The following NRG1 variants were observed in gnomAD, a reference collection of about 807,000 sequenced individuals.
NRG1 encodes the protein pro-neuregulin-1, membrane-bound isoform.
A neutral mutation model predicts 63.8 loss-of-function variants in NRG1; 18 were observed. That is an observed-to-expected ratio of 0.28 (90% CI 0.19 to 0.42). NRG1 has a LOEUF of 0.42. NRG1 is among the 10% of genes least tolerant of loss of function. The pLI is 1.00. For missense variants in NRG1, 762 were observed against 814.7 expected (o/e 0.94, Z 0.79); for synonymous variants, 302 against 301.3 (o/e 1.00, Z -0.02).
Position 31,939,017 on chromosome 8 carries a change from C to T in NRG1, c.37+299586C>T, listed in dbSNP as rs114822951. On this transcript the variant is annotated intron_variant, in intron 1 of 10. Coordinates refer to the NRG1 transcript ENST00000519301. Reference sequence around the variant, plus strand: ...AGGGAATAATTGAGGAAGATATCCCCGGCCTTGCTAAAGATCTAGACATTC... The same window carrying T: ...AGGGAATAATTGAGGAAGATATCCCTGGCCTTGCTAAAGATCTAGACATTC... 6.1e-3 allele frequency among the ~76,000 whole-genome samples: 922 copies of T among 152,204 alleles called. 4 individuals are homozygous for T. The highest frequency in any genetic ancestry group is 0.01 in the Middle Eastern group (3 of 294).
intron 5 of NRG1, among the ~76,000 whole-genome samples, chr8:32,644,625 T>G (rs371370200): frequency 6.6e-6 from 1 of 152,166 alleles, no homozygotes; most frequent in Non-Finnish European, 1.5e-5. Context: ...GAATGACTTT[T>G]GGGGGAAAAA....
chr8:31,848,614 T>G (rs1826913425), intron 1 of NRG1, among the ~76,000 whole-genome samples: 1 of 152,178 alleles, frequency 6.6e-6, no homozygotes, highest in African/African-American at 2.4e-5. Flanking sequence ...CCACTCTCCA[T>G]TACTTGCATC....
chr8:31,640,245 G>A lies in NRG1; in HGVS notation c.37+814G>A, dbSNP rs1803607494. On this transcript the variant is annotated intron_variant, in intron 1 of 10. Coordinates refer to the NRG1 transcript ENST00000519301. This position sits in a 1 kb window ranked among gnomAD's most constrained non-coding sequence, Gnocchi z 6.3. ...CCGCGGTGGTGATCGAGGGAAAGGT[G>A]CACCCGCAGCGGCGGCAGCAGGGGG... The A allele has an allele frequency of 2.6e-6, 3 of 1,148,982 alleles. No homozygotes were observed. The highest frequency in any genetic ancestry group is 4.0e-5 in the East Asian group (1 of 24,888). The allele number at this position is 1,148,982 out of a possible 1,614,324, so 71.2% of individuals were successfully genotyped here. A position where few individuals can be genotyped will look rare whatever the true frequency, so the allele number is the denominator to read the frequency against.
intron 5 of NRG1, among the ~76,000 whole-genome samples, chr8:32,664,477 G>A (rs370277796): frequency 2.0e-5 from 3 of 152,144 alleles, no homozygotes; most frequent in South Asian, 2.1e-4. Flanking sequence ...ATGGTGAGTC[G>A]GCCAGTTGAG....
intron 1 of NRG1, among the ~76,000 whole-genome samples, chr8:31,963,474 A>G (rs1001509802): frequency 9.2e-5 from 14 of 152,344 alleles, no homozygotes; most frequent in East Asian, 1.9e-4. Context: ...GGTATAAGGC[A>G]CTGATATGTT....
chr8:32,312,807 T>G (rs796460840), intron 1 of NRG1, among the ~76,000 whole-genome samples: 1 of 140,500 alleles, frequency 7.1e-6, no homozygotes, highest in Non-Finnish European at 1.6e-5. Context: ...CCTTCCTTCC[T>G]TCCATCCTTC....
chr8:32,713,867 C>T (rs1328837255), intron 5 of NRG1, among the ~76,000 whole-genome samples: 1 of 151,162 alleles, frequency 6.6e-6, no homozygotes, highest in Non-Finnish European at 1.5e-5. Flanking sequence ...CTCTGTCACC[C>T]TGGCTGGAGT....
intron 1 of NRG1, among the ~76,000 whole-genome samples, chr8:31,794,023 A>G (rs1820962104): frequency 6.6e-6 from 1 of 151,430 alleles, no homozygotes; most frequent in Non-Finnish European, 1.5e-5. Flanking sequence ...AGCTGTTTTT[A>G]TACTTCTCTG....
At chr8:32,575,924 C>A (rs951270073) in intron 1 of NRG1, among the ~76,000 whole-genome samples, 1 of 152,108 alleles carries the variant, frequency 6.6e-6, no homozygotes, top group African/African-American at 2.4e-5. Context: ...TTCAAGCAAC[C>A]TTCATAGGAA....
At chr8:32,338,719 A>G (rs992522290) in intron 1 of NRG1, among the ~76,000 whole-genome samples, 2 of 152,218 alleles carry the variant, frequency 1.3e-5, no homozygotes, top group African/African-American at 4.8e-5. Flanking sequence ...CATGTTAGAA[A>G]TATATAGTTG....
At chr8:32,160,281 T>G (rs2131907121) in intron 1 of NRG1, among the ~76,000 whole-genome samples, 1 of 152,334 alleles carries the variant, frequency 6.6e-6, no homozygotes, top group Non-Finnish European at 1.5e-5. Flanking sequence ...GTTGAATGAT[T>G]GAGAATATTT....
chr8:31,972,142 TATA>T (rs1807393692), intron 1 of NRG1, among the ~76,000 whole-genome samples: 1 of 152,142 alleles, frequency 6.6e-6, no homozygotes, highest in African/African-American at 2.4e-5. Context: ...CCAAAATTTA[TATA>T]ATAATCTATC....
At chr8:32,690,938 A>AGTGT (rs113081002) in intron 5 of NRG1, among the ~76,000 whole-genome samples, 17,750 of 131,010 alleles carry the variant, frequency 0.14, 1,332 homozygotes, top group Middle Eastern at 0.26. Flanking sequence ...TTTCCCTCTC[A>AGTGT]GTGTGTGTGT....
At chr8:32,086,507 G>A (rs369871548) in intron 1 of NRG1, among the ~76,000 whole-genome samples, 4 of 152,302 alleles carry the variant, frequency 2.6e-5, no homozygotes, top group South Asian at 4.1e-4. Context: ...TTTGTGCACA[G>A]CACACTTTCT....
chr8:32,307,922 A>G (rs1025986311), intron 1 of NRG1, among the ~76,000 whole-genome samples: 3 of 152,142 alleles, frequency 2.0e-5, no homozygotes, highest in Non-Finnish European at 2.9e-5. Context: ...CACTGACCAC[A>G]AACCCTTTCC....
In NRG1 at chr8:31,745,960, A is replaced by G. The variant is rs1215703087; in HGVS notation, c.37+106529A>G. Reference sequence around the variant, plus strand: ...ATTACCACAGATACCCAGCTTGGGGACAGGACCACAGAAGAATAATTTGTG... The same window carrying G: ...ATTACCACAGATACCCAGCTTGGGGGCAGGACCACAGAAGAATAATTTGTG... On this transcript the variant is annotated intron_variant, in intron 1 of 10. Transcript: ENST00000519301. Among the ~76,000 whole-genome samples, 11 of 151,832 alleles carry G rather than the reference A, an allele frequency of 7.2e-5. 1 individual carries two copies. The South Asian group carries it at 2.3e-3, about 31-fold the overall frequency.
intron 5 of NRG1, among the ~76,000 whole-genome samples, chr8:32,707,375 G>A (rs959123259): frequency 3.3e-5 from 5 of 151,994 alleles, no homozygotes; most frequent in South Asian, 2.1e-4. Context: ...TCATACTCCT[G>A]AGAGAAAGAT....
intron 1 of NRG1, among the ~76,000 whole-genome samples, chr8:32,587,938 T>G (rs989120280): frequency 1.3e-5 from 2 of 152,030 alleles, no homozygotes; most frequent in African/African-American, 4.8e-5. Flanking sequence ...TTGTTTTGTT[T>G]TGTTTTTTGA....
chr8:32,466,224 G>C (rs2079967166), intron 1 of NRG1, among the ~76,000 whole-genome samples: 1 of 152,074 alleles, frequency 6.6e-6, no homozygotes, highest in Admixed American at 6.5e-5. Context: ...CTACTTGGAG[G>C]GCTAAGGCAG....
Sources: gnomAD v4.1 joint callset for allele counts (sites outside exome capture counted in the v4.1 genomes callset) on GRCh38, gnomAD v4.1.1 for gene constraint, Gnocchi (gnomAD v3.1) non-coding constraint, MANE v1.5 for transcripts, NCBI Gene and HGNC (gene_info 2026-07-23, HGNC 2026-07-21) for gene names.